COL5A2: variants seen among roughly 807,000 people sequenced by gnomAD.
The protein encoded by COL5A2 is collagen alpha-2(V) chain.
In COL5A2, 23 loss-of-function variants were observed where a neutral mutation model predicts 208.2. The observed-to-expected ratio is 0.11, with a 90% CI of 0.08 to 0.16. The LOEUF (loss-of-function observed/expected upper bound fraction) is 0.16, where lower values mean the gene tolerates loss of function less well. COL5A2 is among the 10% of genes least tolerant of loss of function. The pLI is 1.00. For missense variants in COL5A2, 1,590 were observed against 1,956.4 expected (o/e 0.81, Z 3.53); for synonymous variants, 625 against 628.5 (o/e 0.99, Z 0.08).
At position 189,101,975 on chromosome 2, in the gene COL5A2, TA is replaced by T. The variant is rs563545899; in HGVS notation, c.337-1837del. Among the ~76,000 whole-genome samples the T allele has an allele frequency of 7.2e-3, 1,095 of 152,138 alleles. 13 individuals are homozygous for T. Among genetic ancestry groups the T allele is most frequent in the African/African-American group, 0.024 (1,012 of 41,530 alleles). ...ACTAACTTCTAGAGTCTTTCTATTT[TA>T]AAAAATACAAAAATAATAAAATTTA... is the stretch of plus-strand genomic sequence containing the variant. On this transcript the variant is annotated intron_variant, in intron 3 of 53. Coordinates refer to ENST00000374866, the MANE Select transcript of COL5A2 (RefSeq NM_000393.5).
In COL5A2 at chr2:189,058,870, T is replaced by A; in HGVS notation, c.2109A>T (p.Ala703=). Residue 703 remains alanine (A), a synonymous_variant, in exon 32 of 54, where the codon GCA becomes GCT. Transcript: ENST00000374866. The stretch of plus-strand genomic sequence containing the variant: ...TTACTCTAGGTCCTAACGGGCCAAC[T>A]GCTCCGGGATCTCCAGGAACACCCT... ...GDQGVPGDPG[A]VGPLGPRGER... is the part of the protein sequence containing the mutation. 1 of 1,612,632 alleles carries A rather than the reference T, an allele frequency of 6.2e-7. No individual in the cohort carries two copies. The highest frequency in any genetic ancestry group is 8.5e-7 in the Non-Finnish European group (1 of 1,179,670).
At chr2:189,062,267 T>C (rs1402831404) in intron 29 of COL5A2, among the ~76,000 whole-genome samples, 1 of 151,318 alleles carries the variant, frequency 6.6e-6, no homozygotes, top group Non-Finnish European at 1.5e-5. Context: ...CACTACAACC[T>C]CCGCCTCCCG....
the COL5A2 span, among the ~76,000 whole-genome samples, chr2:189,298,787 A>C: frequency 6.6e-6 from 1 of 152,182 alleles, no homozygotes; most frequent in South Asian, 2.1e-4. Context: ...TTCTCCCCTA[A>C]GGAGGAGTAA....
intron 3 of COL5A2, among the ~76,000 whole-genome samples, chr2:189,103,687 G>C (rs1687094263): frequency 6.6e-6 from 1 of 152,072 alleles, no homozygotes; most frequent in African/African-American, 2.4e-5. Flanking sequence ...GTTTTCAAGT[G>C]TAAAGCTTGT....
chr2:189,248,036 T>G, the COL5A2 span, among the ~76,000 whole-genome samples: 48 of 152,346 alleles, frequency 3.2e-4, no homozygotes, highest in East Asian at 8.1e-3. Context: ...CTAATTCACA[T>G]GGAAATACTT....
chr2:189,187,968 C>CAAAA (rs71020986), intron 1 of COL5A2, among the ~76,000 whole-genome samples: 4 of 139,626 alleles, frequency 2.9e-5, no homozygotes, highest in Non-Finnish European at 4.7e-5. Context: ...GACTCTGTCT[C>CAAAA]AAAAAAAAAA....
the COL5A2 span, among the ~76,000 whole-genome samples, chr2:189,278,247 C>T: frequency 6.6e-6 from 1 of 152,122 alleles, no homozygotes; most frequent in African/African-American, 2.4e-5. Context: ...AAAAATATTT[C>T]ACCCTCATTG....
the COL5A2 span, among the ~76,000 whole-genome samples, chr2:189,341,603 TAA>T: frequency 1.3e-5 from 2 of 152,168 alleles, no homozygotes; most frequent in African/African-American, 4.8e-5. Flanking sequence ...TTCAGCTATT[TAA>T]AAGAGTATCA....
the COL5A2 span, among the ~76,000 whole-genome samples, chr2:189,295,236 G>T: frequency 1.3e-5 from 2 of 152,108 alleles, no homozygotes; most frequent in Admixed American, 1.3e-4. Context: ...CCATGCAAAG[G>T]ACATAGTGGC....
At chr2:189,086,067 A>C (rs776475877) in intron 9 of COL5A2, among the ~76,000 whole-genome samples, 2 of 152,182 alleles carry the variant, frequency 1.3e-5, no homozygotes, top group Admixed American at 6.5e-5. Context: ...AGTTCTCCTC[A>C]TCAACATCAT....
chr2:189,088,792 A>G lies in COL5A2; in HGVS notation c.568-20T>C. 2 of 1,600,896 alleles carry G rather than the reference A, an allele frequency of 1.2e-6. No homozygotes were observed. Among genetic ancestry groups the G allele is most frequent in the South Asian group, 2.2e-5 (2 of 90,758 alleles). ...AAACGGCTGTAAAAGCGATATGTTG[A>G]CATTATTTCTACAGTAAAAGACATA... On this transcript the variant is annotated intron_variant, in intron 7 of 53. Coordinates refer to ENST00000374866, the MANE Select transcript of COL5A2 (RefSeq NM_000393.5).
chr2:189,058,395 C>T, intron 33 of COL5A2, 34 bp downstream of exon 33: 1 of 1,512,730 alleles, frequency 6.6e-7, no homozygotes, highest in Middle Eastern at 1.7e-4. Flanking sequence ...AATTTTAAAG[C>T]ATTTTAAAAC....
At chr2:189,046,804 T>C (rs1685677206) in intron 45 of COL5A2, among the ~76,000 whole-genome samples, 1 of 151,488 alleles carries the variant, frequency 6.6e-6, no homozygotes, top group African/African-American at 2.4e-5. Flanking sequence ...AATTGGCAAC[T>C]TCAAGGTTTT....
intron 12 of COL5A2, among the ~76,000 whole-genome samples, chr2:189,082,563 A>G (rs1222465863): frequency 6.6e-6 from 1 of 152,242 alleles, no homozygotes; most frequent in Admixed American, 6.5e-5. Context: ...ATTTCAAATA[A>G]TTAGTTAACT....
chr2:189,339,291 C>G, the COL5A2 span, among the ~76,000 whole-genome samples: 1 of 148,054 alleles, frequency 6.8e-6, no homozygotes, highest in East Asian at 2.0e-4. Flanking sequence ...GCGGAGGTTA[C>G]AGTGAGCTGA....
chr2:189,109,916 T>C (rs1030632297), intron 2 of COL5A2, among the ~76,000 whole-genome samples: 2 of 152,172 alleles, frequency 1.3e-5, no homozygotes, highest in African/African-American at 4.8e-5. Context: ...AAAAATAACT[T>C]GGAGGCACTC....
chr2:189,194,421 T>C (rs912063927), intron 1 of COL5A2, among the ~76,000 whole-genome samples: 1 of 152,220 alleles, frequency 6.6e-6, no homozygotes, highest in Non-Finnish European at 1.5e-5. Context: ...CTGAGGTTTC[T>C]TTCTCACTTA....
At chr2:189,055,305 C>A (rs574693526) in intron 35 of COL5A2, among the ~76,000 whole-genome samples, 2 of 152,206 alleles carry the variant, frequency 1.3e-5, no homozygotes, top group African/African-American at 2.4e-5. Flanking sequence ...ACAGCTAACA[C>A]ATGGGGACAC....
chr2:189,180,923 A>G (rs1688771042), upstream of COL5A2, among the ~76,000 whole-genome samples: 1 of 152,218 alleles, frequency 6.6e-6, no homozygotes, highest in Non-Finnish European at 1.5e-5. Context: ...TCTATACAAT[A>G]CAAGTGAGTC....
Sources: gnomAD v4.1 joint callset for allele counts (sites outside exome capture counted in the v4.1 genomes callset) on GRCh38, gnomAD v4.1.1 for gene constraint, MANE v1.5 for transcripts, NCBI Gene and HGNC (gene_info 2026-07-23, HGNC 2026-07-21) for gene names.